Variants in COL4A5 observed in about 807,000 individuals in gnomAD.
COL4A5 encodes the protein collagen type IV alpha 5 chain.
A neutral mutation model predicts 130.2 loss-of-function variants in COL4A5; 26 were observed. That is an observed-to-expected ratio of 0.20 (90% CI 0.15 to 0.28). The LOEUF (loss-of-function observed/expected upper bound fraction) is 0.28, where lower values mean the gene tolerates loss of function less well. Ranked by LOEUF, COL4A5 falls within the 10% of genes least tolerant of loss-of-function variation. COL4A5 has a pLI of 1.00. For missense variants in COL4A5, 1,131 were observed against 1,344.3 expected, an observed-to-expected ratio of 0.84 and a Z score of 2.48; for synonymous variants, 496 against 439.6, an observed-to-expected ratio of 1.13 and a Z score of -1.60.
At chrX:108,566,182 G>A in intron 4 of COL4A5, among the ~76,000 whole-genome samples, 1 of 109,877 alleles carries the variant, frequency 9.1e-6, no homozygotes, top group Non-Finnish European at 1.9e-5. Flanking sequence ...AATTCTAATA[G>A]GACAATGAGT....
chrX:108,587,340 C>A (rs1176230440), intron 19 of COL4A5, among the ~76,000 whole-genome samples: 5 of 95,734 alleles, frequency 5.2e-5, no homozygotes, highest in Non-Finnish European at 7.6e-5. Context: ...TTTTTTTTAA[C>A]CTCCTACGTA....
intron 1 of COL4A5, among the ~76,000 whole-genome samples, chrX:108,523,059 T>C (rs1333933904): frequency 9.2e-6 from 1 of 108,891 alleles, no homozygotes; most frequent in Non-Finnish European, 1.9e-5. Flanking sequence ...GTATTTTTAG[T>C]AGAGATGGGG....
At chrX:108,526,594 T>TC (rs764918468) in intron 1 of COL4A5, among the ~76,000 whole-genome samples, 3 of 44,317 alleles carry the variant, frequency 6.8e-5, no homozygotes, top group African/African-American at 1.5e-4. Context: ...CCTCCCTCCC[T>TC]CCTTTCTTTC....
chrX:108,473,633 A>ATATATATATATATT, intron 1 of COL4A5, among the ~76,000 whole-genome samples: 11 of 34,558 alleles, frequency 3.2e-4, no homozygotes, highest in African/African-American at 4.3e-4. Flanking sequence ...ATATATATAT[A>ATATATATATATATT]TTTTTTTTTT....
At chrX:108,599,021 G>T (rs1381434208) in intron 25 of COL4A5, 151 bp downstream of exon 25, 1 of 518,373 alleles carries the variant, frequency 1.9e-6, no homozygotes, top group Non-Finnish European at 3.2e-6. Context: ...GATCACAATG[G>T]TTTTTATAAG....
intron 36 of COL4A5, among the ~76,000 whole-genome samples, chrX:108,647,838 T>G: frequency 8.9e-6 from 1 of 111,971 alleles, no homozygotes; most frequent in South Asian, 3.8e-4. Context: ...ATTGAGATAA[T>G]CATGTGGTTT....
At chrX:108,472,842 G>C (rs1292215148) in intron 1 of COL4A5, among the ~76,000 whole-genome samples, 1 of 111,606 alleles carries the variant, frequency 9.0e-6, no homozygotes, top group Non-Finnish European at 1.9e-5. Context: ...TTGAGGAACC[G>C]CCATACTGTT....
At chrX:108,637,453 G>A (rs1422647556) in intron 36 of COL4A5, among the ~76,000 whole-genome samples, 1 of 110,958 alleles carries the variant, frequency 9.0e-6, no homozygotes, top group Non-Finnish European at 1.9e-5. Flanking sequence ...TTAGAGCAGA[G>A]ATAAATAAAA....
intron 1 of COL4A5, among the ~76,000 whole-genome samples, chrX:108,472,345 G>C (rs1371536511): frequency 1.8e-5 from 2 of 111,718 alleles, no homozygotes; most frequent in East Asian, 5.6e-4. Context: ...CTAGAAATAG[G>C]CTTATGATGT....
intron 1 of COL4A5, among the ~76,000 whole-genome samples, chrX:108,469,644 A>C (rs1000815345): frequency 7.1e-5 from 8 of 111,983 alleles, no homozygotes; most frequent in Admixed American, 3.8e-4. Context: ...CTTTAAAGCT[A>C]TAATAGTAAA....
intron 43 of COL4A5, 115 bp from the exon 44 acceptor site, chrX:108,677,385 T>C: frequency 1.5e-6 from 1 of 686,928 alleles, no homozygotes; most frequent in South Asian, 2.9e-5. Context: ...ATTTTAATGT[T>C]GTGTGGGTTT....
At chrX:108,573,403 C>A (rs2066096019) in intron 8 of COL4A5, among the ~76,000 whole-genome samples, 171 bp from the exon 9 acceptor site, 1 of 111,591 alleles carries the variant, frequency 9.0e-6, no homozygotes, top group Non-Finnish European at 1.9e-5. Flanking sequence ...TGTACTCTGG[C>A]CACTTCCTCA....
At chrX:108,448,186 A>G (rs922724804) in intron 1 of COL4A5, among the ~76,000 whole-genome samples, 4 of 112,327 alleles carry the variant, frequency 3.6e-5, no homozygotes, top group African/African-American at 1.3e-4. Flanking sequence ...CAAATGTTAT[A>G]AAAGAAACAG....
At chrX:108,585,012 G>T (rs760476121) in intron 18 of COL4A5, among the ~76,000 whole-genome samples, 1 of 111,760 alleles carries the variant, frequency 8.9e-6, no homozygotes, top group African/African-American at 3.2e-5. Context: ...GCTTTCTAGG[G>T]ACTTTTAATA....
At chrX:108,477,815 C>CAAA (rs749101117) in intron 1 of COL4A5, among the ~76,000 whole-genome samples, 7 of 33,625 alleles carry the variant, frequency 2.1e-4, no homozygotes, top group Non-Finnish European at 2.3e-4. Flanking sequence ...GACTTTGTCT[C>CAAA]AAAAAAAAAA....
At chrX:108,498,448 C>T (rs1444737467) in intron 1 of COL4A5, among the ~76,000 whole-genome samples, 1 of 111,057 alleles carries the variant, frequency 9.0e-6, no homozygotes, top group Non-Finnish European at 1.9e-5. Flanking sequence ...CTTCCTTCCT[C>T]TTTTCAATAT....
chrX:108,552,396 A>G (rs773098894), intron 2 of COL4A5, among the ~76,000 whole-genome samples: 47 of 111,806 alleles, frequency 4.2e-4, no homozygotes, highest in Non-Finnish European at 7.7e-4. Flanking sequence ...CACCCATTAA[A>G]AGACATCTGC....
chrX:108,473,356 G>C (rs1391868098), intron 1 of COL4A5, among the ~76,000 whole-genome samples: 1 of 107,291 alleles, frequency 9.3e-6, no homozygotes, highest in East Asian at 2.9e-4. Flanking sequence ...AGGTATTTGA[G>C]AGGAAAGTAT....
rs983251417 is a variant in COL4A5 at position 108,462,359 on chromosome X, G to T, written c.81+22153G>T. On this transcript the variant is annotated intron_variant, in intron 1 of 52. Coordinates refer to ENST00000328300, the MANE Select transcript of COL4A5 (RefSeq NM_033380.3). Reference sequence around the variant, plus strand: ...TTAACATATATTTCAACAGTTTTTTGATTTAAATAATTTAACAACATATTT... The same window carrying T: ...TTAACATATATTTCAACAGTTTTTTTATTTAAATAATTTAACAACATATTT... The T allele has an allele frequency of 2.7e-5, 3 of 111,436 alleles. No homozygotes were observed. The Admixed American group carries it at 2.9e-4, about 11-fold the overall frequency. The allele number at this position is 111,436 out of a possible 1,213,427, so 9.2% of individuals were successfully genotyped here. A position where few individuals can be genotyped will look rare whatever the true frequency, so the allele number is the denominator to read the frequency against.
Sources: gnomAD v4.1 joint callset for allele counts (sites outside exome capture counted in the v4.1 genomes callset) on GRCh38, gnomAD v4.1.1 for gene constraint, MANE v1.5 for transcripts, NCBI Gene and HGNC (gene_info 2026-07-23, HGNC 2026-07-21) for gene names.